Variants in PEX7 observed in about 807,000 individuals in gnomAD.
PEX7 encodes peroxisomal biogenesis factor 7.
PEX7 carries 34 observed loss-of-function variants against 47.5 expected under a neutral mutation model. The ratio of observed to expected loss-of-function variants is 0.72; its 90% confidence interval spans 0.54 to 0.95. PEX7 has a LOEUF of 0.95. Among genes scored for constraint, PEX7 ranks in the 40% least tolerant of loss-of-function variants. The pLI is 0.00. For missense variants in PEX7, 394 were observed against 400.3 expected, an observed-to-expected ratio of 0.98 and a Z score of 0.13; for synonymous variants, 141 against 148.8, an observed-to-expected ratio of 0.95 and a Z score of 0.38.
chr6:136,893,806 C>T (rs1775597922), intron 8 of PEX7, among the ~76,000 whole-genome samples: 1 of 152,170 alleles, frequency 6.6e-6, no homozygotes, highest in African/African-American at 2.4e-5. Context: ...AACATTGTCC[C>T]TTTCTCATAG....
intron 8 of PEX7, among the ~76,000 whole-genome samples, chr6:136,893,471 G>T (rs1467198724): frequency 1.3e-5 from 2 of 152,192 alleles, no homozygotes; most frequent in African/African-American, 4.8e-5. Flanking sequence ...TGGGGCACTT[G>T]TCAATTGTCA....
chr6:136,836,048 GAA>G (rs1774379491), intron 3 of PEX7, among the ~76,000 whole-genome samples: 1 of 152,140 alleles, frequency 6.6e-6, no homozygotes, highest in Non-Finnish European at 1.5e-5. Flanking sequence ...GTTAGTGAGT[GAA>G]TTGTAGATAG....
At chr6:136,849,482 G>T (rs1300216366) in intron 5 of PEX7, among the ~76,000 whole-genome samples, 2 of 152,038 alleles carry the variant, frequency 1.3e-5, no homozygotes, top group Non-Finnish European at 2.9e-5. Flanking sequence ...TTTCTCTTGT[G>T]GGCATTTAGT....
chr6:136,876,336 C>T (rs768488992), intron 8 of PEX7, among the ~76,000 whole-genome samples: 2 of 151,958 alleles, frequency 1.3e-5, no homozygotes, highest in African/African-American at 2.4e-5. Flanking sequence ...TGCGCCCGGC[C>T]GATTAAATTT....
At chr6:136,906,366 G>T (rs1201530586) in intron 9 of PEX7, among the ~76,000 whole-genome samples, 2 of 152,070 alleles carry the variant, frequency 1.3e-5, no homozygotes, top group East Asian at 3.8e-4. Context: ...AATAATAAGA[G>T]AGTCCAATGA....
rs547304574 is a variant in PEX7, at chr6:136,900,672, C to T, written c.903+2431C>T. 10 of 335,568 alleles carry T rather than the reference C, an allele frequency of 3.0e-5. No homozygotes were observed. The highest frequency in any genetic ancestry group is 2.2e-4 in the African/African-American group (10 of 45,458). The allele number at this position is 335,568 out of a possible 1,614,324, so 20.8% of individuals were successfully genotyped here. On this transcript the variant is annotated intron_variant, in intron 9 of 9. Coordinates refer to ENST00000318471, the MANE Select transcript of PEX7 (RefSeq NM_000288.4). The surrounding 1 kb of genome is among the most constrained non-coding windows in gnomAD (Gnocchi z 4.2). The stretch of plus-strand genomic sequence containing the variant: ...GAGACAGGGCAGGCAGGAAGACAAC[C>T]AGCTTGATGGGATCCACGTCATGTG...
chr6:136,843,015 A>C (rs529186198), intron 3 of PEX7, among the ~76,000 whole-genome samples: 5 of 152,350 alleles, frequency 3.3e-5, no homozygotes, highest in African/African-American at 1.2e-4. Context: ...GTAAAGGGTG[A>C]AACCAGCAGG....
chr6:136,822,948 TCTC>T (rs1301154144), intron 1 of PEX7, 153 bp downstream of exon 1: 29 of 985,330 alleles, frequency 2.9e-5, no homozygotes, highest in Non-Finnish European at 3.4e-5. Context: ...GGTCGGCGCT[TCTC>T]CTTTCTTTGC....
intron 8 of PEX7, among the ~76,000 whole-genome samples, chr6:136,882,122 C>T (rs376383726): frequency 8.6e-5 from 13 of 151,004 alleles, no homozygotes; most frequent in African/African-American, 2.9e-4. Flanking sequence ...TATGAGAAGA[C>T]GTTCTTGAAA....
chr6:136,831,228 T>C (rs1051162998), intron 3 of PEX7, among the ~76,000 whole-genome samples: 3 of 152,026 alleles, frequency 2.0e-5, no homozygotes, highest in African/African-American at 4.8e-5. Context: ...GGGAAGTAGA[T>C]AACCTTCTTC....
intron 3 of PEX7, among the ~76,000 whole-genome samples, chr6:136,829,146 T>C (rs1774249203): frequency 6.6e-6 from 1 of 152,216 alleles, no homozygotes; most frequent in South Asian, 2.1e-4. Context: ...GAAGATAACC[T>C]TTTTAGGTAT....
At chr6:136,882,862 CAAGCTTTTAGTGTCCGCAT>C (rs1258838611) in intron 8 of PEX7, among the ~76,000 whole-genome samples, 5 of 152,092 alleles carry the variant, frequency 3.3e-5, no homozygotes, top group Admixed American at 6.6e-5. Context: ...TTTACTTAGC[CAAGCTTTTAGTGTCCGCAT>C]AAGCTTCCAT....
intron 5 of PEX7, among the ~76,000 whole-genome samples, chr6:136,850,697 A>G (rs1003169288): frequency 6.6e-6 from 1 of 152,182 alleles, no homozygotes. Context: ...TTGTTTTACA[A>G]CACTGTTTCA....
chr6:136,866,660 C>T lies in PEX7; in HGVS notation c.560C>T (p.Ala187Val). The T allele has an allele frequency of 6.2e-7, 1 of 1,614,006 alleles. No individual in the cohort carries two copies. Among genetic ancestry groups the T allele is most frequent in the East Asian group, 2.2e-5 (1 of 44,862 alleles). Residue 187 changes from alanine to valine, a missense_variant, in exon 6 of 10, where the codon GCA becomes GTA. Transcript: ENST00000318471. ...ACTCTGAGAATATGGGATGTGAAGG[C>T]AGCAGGAGTAAGAATCGTGATTCCT... ...DQTLRIWDVK[A>V]AGVRIVIPAH...
chr6:136,868,777 T>C (rs1033752475), intron 6 of PEX7, among the ~76,000 whole-genome samples: 3 of 151,894 alleles, frequency 2.0e-5, no homozygotes, highest in Non-Finnish European at 2.9e-5. Context: ...TTCTGAGTTA[T>C]GTGGGGTGGA....
At chr6:136,851,046 T>A (rs1774740570) in intron 5 of PEX7, among the ~76,000 whole-genome samples, 1 of 110,948 alleles carries the variant, frequency 9.0e-6, no homozygotes, top group Admixed American at 9.4e-5. Context: ...CATGTGCACA[T>A]TGTGCAGGTT....
In PEX7 at chr6:136,826,372, A is replaced by T; in HGVS notation, c.242A>T (p.His81Leu). 1 of 1,614,072 alleles carries T rather than the reference A, an allele frequency of 6.2e-7. No homozygotes were observed. Among genetic ancestry groups the T allele is most frequent in the Non-Finnish European group, 8.5e-7 (1 of 1,180,002 alleles). ...FDVTWSENNE[H>L]VLITCSGDGS... ...GTGACTTGGAGTGAGAACAACGAAC[A>T]TGTCCTCATCACCTGTAGTGGCGAT... The change falls in exon 3 of 10, where the codon CAT (histidine) becomes CTT (leucine). Residue 81 changes from histidine to leucine, a missense_variant. His to Leu is a moderately conservative substitution (Grantham distance 99). Coordinates refer to ENST00000318471, the MANE Select transcript of PEX7 (RefSeq NM_000288.4).
intron 7 of PEX7, chr6:136,870,784 C>T (rs990243064): frequency 2.5e-6 from 1 of 406,204 alleles, no homozygotes; most frequent in Non-Finnish European, 4.9e-6. Context: ...GCAACCTCTG[C>T]CTTCTGGGTT....
chr6:136,908,873 A>T (rs1272886041), intron 9 of PEX7, among the ~76,000 whole-genome samples: 2 of 152,140 alleles, frequency 1.3e-5, no homozygotes, highest in East Asian at 3.9e-4. Context: ...TGTGCCCCTG[A>T]CCCAAAAACA....
Sources: allele counts gnomAD v4.1 joint callset (sites outside exome capture counted in the v4.1 genomes callset), GRCh38; gene constraint gnomAD v4.1.1; non-coding constraint Gnocchi (gnomAD v3.1); transcripts MANE v1.5; gene names NCBI Gene and HGNC (gene_info 2026-07-23, HGNC 2026-07-21).